The following BCAS3 variants were observed in gnomAD, a reference collection of about 807,000 sequenced individuals.
The protein encoded by BCAS3 is BCAS3 microtubule associated cell migration factor, also known as BCAS4/BCAS3 fusion.
A neutral mutation model predicts 116.1 loss-of-function variants in BCAS3; 53 were observed. The observed-to-expected ratio is 0.46, with a 90% confidence interval of 0.37 to 0.57. The LOEUF is 0.57. Ranked by LOEUF, BCAS3 falls within the 20% of genes least tolerant of loss-of-function variation. BCAS3 has a pLI of 0.00. For synonymous variants in BCAS3, 391 were observed against 408.2 expected, an observed-to-expected ratio of 0.96 and a Z score of 0.51; for missense variants, 917 against 1,165.4, an observed-to-expected ratio of 0.79 and a Z score of 3.10.
chr17:60,866,824 G>A (rs1269132784), intron 7 of BCAS3, among the ~76,000 whole-genome samples: 1 of 151,918 alleles, frequency 6.6e-6, no homozygotes, highest in Non-Finnish European at 1.5e-5. Flanking sequence ...CAGAGTTATT[G>A]ATTCTATTAT....
intron 22 of BCAS3, among the ~76,000 whole-genome samples, chr17:61,197,264 G>A (rs1023053482): frequency 2.6e-5 from 4 of 152,134 alleles, no homozygotes; most frequent in African/African-American, 4.8e-5. Flanking sequence ...GAAAAGGGCC[G>A]CTTCTTCCTA....
chr17:61,309,799 G>A lies in BCAS3; in HGVS notation c.2426-58528G>A, dbSNP rs778309471. On this transcript the variant is annotated intron_variant, in intron 22 of 23. Transcript: ENST00000407086. This position sits in a 1 kb window ranked among gnomAD's most constrained non-coding sequence, Gnocchi z 4.6. ...AGTACAGGGTGACAAGAGGGAGCCC[G>A]AGAGCCCCCCATGAATCTGTCTGCA... Among the ~76,000 whole-genome samples the A allele has an allele frequency of 3.9e-5, 6 of 152,144 alleles. No individual in the cohort carries two copies. Among genetic ancestry groups the A allele is most frequent in the Non-Finnish European group, 7.4e-5 (5 of 68,026 alleles).
chr17:60,730,462 G>A (rs9900335), intron 5 of BCAS3, among the ~76,000 whole-genome samples: 2,537 of 152,160 alleles, frequency 0.017, 71 homozygotes, highest in African/African-American at 0.058. Context: ...CATTTTAGGC[G>A]ATTTTTATGG....
At chr17:60,829,662 A>G (rs890650087) in intron 7 of BCAS3, among the ~76,000 whole-genome samples, 4 of 152,308 alleles carry the variant, frequency 2.6e-5, no homozygotes, top group Admixed American at 1.3e-4. Flanking sequence ...ATATGTAACT[A>G]GGAGTGGACT....
chr17:60,896,832 A>C (rs547835068), intron 10 of BCAS3, among the ~76,000 whole-genome samples: 2 of 152,268 alleles, frequency 1.3e-5, no homozygotes, highest in Admixed American at 1.3e-4. Flanking sequence ...ATTCAAAGTC[A>C]TTATTAATAT....
At chr17:61,018,940 C>G (rs868299723) in intron 16 of BCAS3, among the ~76,000 whole-genome samples, 2 of 152,198 alleles carry the variant, frequency 1.3e-5, no homozygotes, top group Non-Finnish European at 2.9e-5. Flanking sequence ...CCTACTGTTC[C>G]TTTTTTCCCT....
chr17:61,230,486 T>A (rs2082614109), intron 22 of BCAS3, among the ~76,000 whole-genome samples: 1 of 152,188 alleles, frequency 6.6e-6, no homozygotes, highest in African/African-American at 2.4e-5. Flanking sequence ...TCAGAGTATC[T>A]ATTGTTCCCA....
At chr17:60,821,211 C>T (rs138155685) in intron 7 of BCAS3, among the ~76,000 whole-genome samples, 123 of 152,174 alleles carry the variant, frequency 8.1e-4, no homozygotes, top group African/African-American at 2.7e-3. Context: ...CCTTCTAAAG[C>T]GCTGGGATTA....
intron 22 of BCAS3, among the ~76,000 whole-genome samples, chr17:61,305,671 G>A (rs923889422): frequency 1.3e-5 from 2 of 152,162 alleles, no homozygotes; most frequent in Non-Finnish European, 2.9e-5. Flanking sequence ...TGAGGCGGGC[G>A]GATCACCTGA....
intron 17 of BCAS3, among the ~76,000 whole-genome samples, chr17:61,035,238 A>G (rs2066925164): frequency 6.6e-6 from 1 of 152,012 alleles, no homozygotes; most frequent in African/African-American, 2.4e-5. Flanking sequence ...TTGAAACCAG[A>G]TTTTCTAATG....
chr17:61,170,356 G>A (rs541738681), intron 22 of BCAS3, among the ~76,000 whole-genome samples: 118 of 151,754 alleles, frequency 7.8e-4, no homozygotes, highest in Admixed American at 2.4e-3. Flanking sequence ...GCAGTGGTGC[G>A]ACCTTGGCTC....
At chr17:61,045,857 A>C (rs1186444547) in intron 19 of BCAS3, among the ~76,000 whole-genome samples, 295 of 776 alleles carry the variant, frequency 0.38, 20 homozygotes, top group African/African-American at 0.41. Flanking sequence ...CTCTATATAT[A>C]TATATATAAA....
rs548801830 is a variant in BCAS3 at position 60,919,685 on chromosome 17, T to A, written c.994-4722T>A. On this transcript the variant is annotated intron_variant, in intron 12 of 23. Coordinates refer to ENST00000407086, the MANE Select transcript of BCAS3 (RefSeq NM_017679.5). Reference sequence around the variant, plus strand: ...GCTTTTTCCTGTGTGTTTTTTTTTTTAAAATAATGACAAGGTATTTTTAAA... The same window carrying A: ...GCTTTTTCCTGTGTGTTTTTTTTTTAAAAATAATGACAAGGTATTTTTAAA... Among the ~76,000 whole-genome samples the A allele has an allele frequency of 4.2e-3, 638 of 151,576 alleles. 1 individual carries two copies. Among genetic ancestry groups the A allele is most frequent in the Non-Finnish European group, 7.4e-3 (501 of 67,904 alleles).
chr17:61,373,808 GT>G (rs1169897447), intron 23 of BCAS3, among the ~76,000 whole-genome samples: 2,275 of 101,022 alleles, frequency 0.023, 19 homozygotes, highest in African/African-American at 0.094. Context: ...CTTCTTCTTT[GT>G]TTTTTTTTTT....
At chr17:61,230,252 A>C (rs1346341369) in intron 22 of BCAS3, among the ~76,000 whole-genome samples, 1 of 152,154 alleles carries the variant, frequency 6.6e-6, no homozygotes, top group Non-Finnish European at 1.5e-5. Context: ...TTTTTTCATA[A>C]AATTTTAAGC....
intron 8 of BCAS3, 107 bp downstream of exon 8, chr17:60,868,790 CTCAAGGAAACACCTTCTGAAT>C (rs1193916390): frequency 2.4e-5 from 14 of 576,416 alleles, no homozygotes; most frequent in Non-Finnish European, 3.8e-5. Flanking sequence ...TTTTAAAAAT[CTCAAGGAAACACCTTCTGAAT>C]TCTGTTCAGT....
intron 7 of BCAS3, chr17:60,851,528 G>A: frequency 1.6e-6 from 1 of 608,496 alleles, no homozygotes; most frequent in East Asian, 3.5e-5. Flanking sequence ...ACCACCATCT[G>A]TAAAGCTCTA....
chr17:61,257,335 C>T (rs2048862361), intron 22 of BCAS3, among the ~76,000 whole-genome samples: 1 of 148,892 alleles, frequency 6.7e-6, no homozygotes, highest in South Asian at 2.2e-4. Flanking sequence ...GCAGAAGAAT[C>T]GCGTGAACCT....
Position 61,335,396 on chromosome 17 carries a change from C to T in BCAS3, c.2426-32931C>T, listed in dbSNP as rs546167293. On this transcript the variant is annotated intron_variant, in intron 22 of 23. Coordinates refer to ENST00000407086, the MANE Select transcript of BCAS3 (RefSeq NM_017679.5). Reference sequence around the variant, plus strand: ...AACTACTATTTTCTGCCTGTTGGGTCTCATCAAAGGGTCTGGGCCTTTTTT... The same window carrying T: ...AACTACTATTTTCTGCCTGTTGGGTTTCATCAAAGGGTCTGGGCCTTTTTT... 3.9e-5 allele frequency among the ~76,000 whole-genome samples: 6 copies of T among 152,334 alleles called. No homozygotes were observed. In the South Asian group the frequency reaches 1.2e-3, roughly 32 times the overall value.
Sources: gnomAD v4.1 joint callset for allele counts (sites outside exome capture counted in the v4.1 genomes callset) on GRCh38, gnomAD v4.1.1 for gene constraint, Gnocchi (gnomAD v3.1) non-coding constraint, MANE v1.5 for transcripts, NCBI Gene and HGNC (gene_info 2026-07-23, HGNC 2026-07-21) for gene names.